KANSL1: variants seen among roughly 807,000 people sequenced by gnomAD.
KANSL1 encodes the protein KAT8 regulatory NSL complex subunit 1.
Under a neutral mutation model 103.6 loss-of-function variants are expected in KANSL1, and 22 were observed. That is an observed-to-expected ratio of 0.21 (90% CI 0.15 to 0.30). KANSL1 has a LOEUF of 0.30. Among genes scored for constraint, KANSL1 ranks in the 10% least tolerant of loss-of-function variants. KANSL1 has a pLI of 1.00. For missense variants in KANSL1, 1,337 were observed against 1,399.8 expected (o/e 0.96, Z 0.72); for synonymous variants, 600 against 527.6 (o/e 1.14, Z -1.88).
At chr17:46,105,951 C>A (rs371996525) in intron 2 of KANSL1, among the ~76,000 whole-genome samples, 3,244 of 92,076 alleles carry the variant, frequency 0.035, 110 homozygotes, top group African/African-American at 0.1. Context: ...ACACACACCC[C>A]CCCAGAAGGG....
intron 4 of KANSL1, among the ~76,000 whole-genome samples, chr17:46,077,005 C>T (rs2078799722): frequency 6.6e-6 from 1 of 152,146 alleles, no homozygotes; most frequent in Admixed American, 6.5e-5. Flanking sequence ...ATTTCCATGC[C>T]TTTAATTGCT....
intron 2 of KANSL1, 46 bp downstream of exon 2, chr17:46,170,809 G>A (rs2046243748): frequency 6.6e-7 from 1 of 1,511,990 alleles, no homozygotes. Context: ...ATTCTTCCTT[G>A]TGCCAACATT....
intron 2 of KANSL1, among the ~76,000 whole-genome samples, chr17:46,155,999 G>A (rs1293541603): frequency 6.6e-6 from 1 of 152,114 alleles, no homozygotes; most frequent in Non-Finnish European, 1.5e-5. Context: ...GACAAAAGCT[G>A]GGGGAAATAC....
chr17:46,127,909 T>A (rs140626609), intron 2 of KANSL1, among the ~76,000 whole-genome samples: 2 of 152,206 alleles, frequency 1.3e-5, no homozygotes, highest in Non-Finnish European at 2.9e-5. Flanking sequence ...AACTTAATAC[T>A]TCACCCTCAT....
chr17:46,176,911 G>A (rs1164336679), intron 1 of KANSL1, among the ~76,000 whole-genome samples: 1 of 152,130 alleles, frequency 6.6e-6, no homozygotes, highest in Non-Finnish European at 1.5e-5. Context: ...ACAGGAAAAA[G>A]TGACCACTTT....
chr17:46,091,451 G>A (rs1380477811), intron 3 of KANSL1, among the ~76,000 whole-genome samples: 6 of 143,704 alleles, frequency 4.2e-5, no homozygotes, highest in Non-Finnish European at 9.2e-5. Flanking sequence ...GTGTAGCCTC[G>A]GTGTACAGTA....
chr17:46,096,311 C>CTTTTTTCTTTTTTTTTT (rs2042069367), intron 2 of KANSL1, among the ~76,000 whole-genome samples: 1 of 76,408 alleles, frequency 1.3e-5, no homozygotes. Context: ...GCTTTTTTTT[C>CTTTTTTCTTTTTTTTTT]TTTTTTTTTT....
At chr17:46,087,913 T>G (rs139180335) in intron 3 of KANSL1, among the ~76,000 whole-genome samples, 1 of 152,350 alleles carries the variant, frequency 6.6e-6, no homozygotes, top group Non-Finnish European at 1.5e-5. Flanking sequence ...TACCCCAACA[T>G]GGGCTTCCCT....
chr17:46,038,175 T>G, intron 10 of KANSL1: 1 of 208,906 alleles, frequency 4.8e-6, no homozygotes, highest in Non-Finnish European at 9.5e-6. Context: ...TCCTCTCTTG[T>G]TCACTTCTTG....
intron 6 of KANSL1, among the ~76,000 whole-genome samples, chr17:46,052,451 A>G (rs971767045): frequency 3.6e-4 from 55 of 152,022 alleles, no homozygotes; most frequent in African/African-American, 1.3e-3. Flanking sequence ...CTGAAAATAG[A>G]AACGTCAGCT....
At chr17:46,096,508 C>T (rs1419264078) in intron 2 of KANSL1, among the ~76,000 whole-genome samples, 1 of 145,000 alleles carries the variant, frequency 6.9e-6, no homozygotes, top group Non-Finnish European at 1.6e-5. Context: ...TTAGTAGACA[C>T]GGGGTTTCTC....
At chr17:46,189,906 C>CAAAAA (rs55934305) in intron 1 of KANSL1, among the ~76,000 whole-genome samples, 7,629 of 112,142 alleles carry the variant, frequency 0.068, 69 homozygotes, top group Middle Eastern at 0.11. Context: ...GACCCTGCCT[C>CAAAAA]AAAAAAAAAA....
At position 46,171,698 on chromosome 17, in the gene KANSL1, A is replaced by G. The variant is rs1355172074; in HGVS notation, c.446T>C (p.Leu149Pro). 2 of 1,556,280 alleles carry G rather than the reference A, an allele frequency of 1.3e-6. No individual in the cohort carries two copies. The highest frequency in any genetic ancestry group is 1.4e-5 in the African/African-American group (1 of 72,334). Residue 149 changes from leucine to proline, a missense_variant, in exon 2 of 15, where the codon CTG (leucine) becomes CCG (proline). Physicochemically the swap from Leu to Pro is moderately conservative, Grantham distance 98 (BLOSUM62 -3). Transcript: ENST00000432791. ...RTMNTSGQTA[L>P]PQAPVNGLAK... ...CAACCCATTTACAGGTGCTTGTGGC[A>G]GAGCTGTCTGACCACTCGTATTCAT...
chr17:46,185,686 C>CATATAT (rs148277720), intron 1 of KANSL1, among the ~76,000 whole-genome samples: 1 of 95,976 alleles, frequency 1.0e-5, no homozygotes, highest in Non-Finnish European at 2.2e-5. Flanking sequence ...TATACACACA[C>CATATAT]ATATATACAC....
chr17:46,111,245 C>T (rs890214132), intron 2 of KANSL1, among the ~76,000 whole-genome samples: 2 of 152,214 alleles, frequency 1.3e-5, no homozygotes, highest in African/African-American at 4.8e-5. Context: ...GAGTTTCGCT[C>T]TGTCGTCCAG....
At position 46,062,134 on chromosome 17, in the gene KANSL1, A is replaced by C. The variant is rs151339416; in HGVS notation, c.1848+4403T>G. Among the ~76,000 whole-genome samples the C allele has an allele frequency of 5.9e-3, 778 of 132,576 alleles. 22 individuals carry two copies. The highest frequency in any genetic ancestry group is 0.014 in the South Asian group (47 of 3,444). 87.0% of individuals were successfully genotyped at this position (132,576 alleles called of 152,430 possible). ...ACAAACAAACAAAAAAAAAAAAAAA[A>C]CATGTTACAGCAGATTTACCTCCCC... On this transcript the variant is annotated intron_variant, in intron 6 of 14. Coordinates refer to ENST00000432791, the MANE Select transcript of KANSL1 (RefSeq NM_015443.4).
intron 2 of KANSL1, among the ~76,000 whole-genome samples, chr17:46,109,620 A>C (rs1001614133): frequency 1.3e-5 from 2 of 152,218 alleles, no homozygotes; most frequent in African/African-American, 4.8e-5. Context: ...GACTGAGGGC[A>C]CAAAGGTGGA....
chr17:46,181,372 C>T (rs1171941825), intron 1 of KANSL1, among the ~76,000 whole-genome samples: 1 of 152,152 alleles, frequency 6.6e-6, no homozygotes, highest in Non-Finnish European at 1.5e-5. Flanking sequence ...TGCCTCAGTG[C>T]CCCAAACTAT....
chr17:46,086,929 G>A (rs2079186124), intron 3 of KANSL1, among the ~76,000 whole-genome samples: 1 of 152,106 alleles, frequency 6.6e-6, no homozygotes, highest in African/African-American at 2.4e-5. Context: ...ACCACGCCTG[G>A]CTAGTTTTTT....
Sources: allele counts gnomAD v4.1 joint callset (sites outside exome capture counted in the v4.1 genomes callset), GRCh38; gene constraint gnomAD v4.1.1; transcripts MANE v1.5; gene names NCBI Gene and HGNC (gene_info 2026-07-23, HGNC 2026-07-21).